OLFM1: variants seen among roughly 807,000 people sequenced by gnomAD.
OLFM1 encodes olfactomedin 1, also known as noelin.
In OLFM1, 9 loss-of-function variants were observed where a neutral mutation model predicts 49.7. The observed-to-expected ratio is 0.18, with a 90% confidence interval of 0.11 to 0.32. The LOEUF (loss-of-function observed/expected upper bound fraction) is 0.32, where lower values mean the gene tolerates loss of function less well. OLFM1 is among the 10% of genes least tolerant of loss of function. The pLI is 1.00. For missense variants in OLFM1, 369 were observed against 661.8 expected (o/e 0.56, Z 4.85); for synonymous variants, 240 against 271.8 (o/e 0.88, Z 1.15).
At chr9:135,089,013 A>G (rs1326272840) in intron 1 of OLFM1, among the ~76,000 whole-genome samples, 1 of 152,160 alleles carries the variant, frequency 6.6e-6, no homozygotes, top group Non-Finnish European at 1.5e-5. Context: ...CGCGCCCCAG[A>G]CCACTGGCCC....
In OLFM1 at chr9:135,080,528, G is replaced by T. The variant is rs1257766794; in HGVS notation, c.96+4726G>T. ...CCGGGCTGCCTCCCCTGGTGGAGAG[G>T]CTCCTGACACCAGGGGCGCTGAGCT... On this transcript the variant is annotated intron_variant, in intron 1 of 5. Coordinates refer to the OLFM1 transcript ENST00000252854. The surrounding 1 kb of genome is among the most constrained non-coding windows in gnomAD (Gnocchi z 4.5). 6.6e-6 allele frequency among the ~76,000 whole-genome samples: 1 copy of T among 152,068 alleles called. No individual in the cohort carries two copies. The highest frequency in any genetic ancestry group is 1.5e-5 in the Non-Finnish European group (1 of 68,016).
chr9:135,099,293 T>G (rs967246242), intron 4 of OLFM1, among the ~76,000 whole-genome samples: 3 of 152,214 alleles, frequency 2.0e-5, no homozygotes, highest in Non-Finnish European at 2.9e-5. Context: ...ACACAAAGGT[T>G]GTTGTTTTCA....
intron 5 of OLFM1, among the ~76,000 whole-genome samples, chr9:135,116,574 G>T (rs577741145): frequency 1.2e-4 from 19 of 152,256 alleles, no homozygotes; most frequent in African/African-American, 4.6e-4. Flanking sequence ...GGTGATGTGT[G>T]AACACAGTCA....
At position 135,098,884 on chromosome 9, in the gene OLFM1, TG is replaced by T. The variant is rs543054886; in HGVS notation, c.676+381del. Among the ~76,000 whole-genome samples the T allele has an allele frequency of 7.2e-5, 11 of 152,324 alleles. No individual in the cohort carries two copies. Among genetic ancestry groups the T allele is most frequent in the Middle Eastern group, 3.4e-3 (1 of 294 alleles). On this transcript the variant is annotated intron_variant, in intron 4 of 5. Transcript: ENST00000371793. The surrounding 1 kb of genome is among the most constrained non-coding windows in gnomAD (Gnocchi z 5.6). ...CCTCCGGATTGAGAACGGGGGCTGGTGGAGCTCCTGAAATATTGAATCATGC... is the reference window on the plus strand; with the variant it reads ...CCTCCGGATTGAGAACGGGGGCTGGTGAGCTCCTGAAATATTGAATCATGC...
intron 1 of OLFM1, among the ~76,000 whole-genome samples, chr9:135,081,732 T>C (rs1031989570): frequency 2.0e-5 from 3 of 152,134 alleles, no homozygotes; most frequent in African/African-American, 4.8e-5. Flanking sequence ...TCCCAGCACT[T>C]TGAGAGGCCG....
chr9:135,114,232 T>C (rs1831064901), intron 5 of OLFM1, among the ~76,000 whole-genome samples: 1 of 145,990 alleles, frequency 6.8e-6, no homozygotes, highest in African/African-American at 2.6e-5. Context: ...GTGATTCTCC[T>C]GCCTTAGCCT....
At chr9:135,116,995 A>G (rs1831105219) in intron 5 of OLFM1, among the ~76,000 whole-genome samples, 1 of 152,156 alleles carries the variant, frequency 6.6e-6, no homozygotes, top group South Asian at 2.1e-4. Context: ...TGTAATGCCA[A>G]GTCTGAAAGC....
At position 135,095,911 on chromosome 9, in the gene OLFM1, G is replaced by A. The variant is rs547676700; in HGVS notation, c.348G>A (p.Gln116=). 4.5e-5 allele frequency: 72 copies of A among 1,613,216 alleles called. No homozygotes were observed. In the South Asian group the frequency reaches 7.8e-4, roughly 17 times the overall value. The change falls in exon 3 of 6, where the codon CAG becomes CAA. Residue 116 remains glutamine (Q), a synonymous_variant. Coordinates refer to ENST00000371793, the MANE Select transcript of OLFM1 (RefSeq NM_001282611.2). ...QSIEVLDRRT[Q]RDLQYVEKME... is the part of the protein sequence containing the mutation. ...TAGAGGTCTTGGACAGGCGGACCCA[G>A]AGAGACTTGCAGTACGTGGAGAAGA...
Position 135,098,021 on chromosome 9 carries a change from A to G in OLFM1, c.457-265A>G, listed in dbSNP as rs1330702983. On this transcript the variant is annotated intron_variant, in intron 3 of 5. Coordinates refer to ENST00000371793, the MANE Select transcript of OLFM1 (RefSeq NM_001282611.2). This position sits in a 1 kb window ranked among gnomAD's most constrained non-coding sequence, Gnocchi z 5.6. ...TCAATGCATTTTTTGAAAAAGAAAG[A>G]AAAAAAAAACTTCGTGTATGTGACT... 4 of 1,382,134 alleles carry G rather than the reference A, an allele frequency of 2.9e-6. No homozygotes were observed. The highest frequency in any genetic ancestry group is 2.9e-5 in the African/African-American group (2 of 68,120). The allele number at this position is 1,382,134 out of a possible 1,614,324, so 85.6% of individuals were successfully genotyped here. A position where few individuals can be genotyped will look rare whatever the true frequency, so the allele number is the denominator to read the frequency against.
chr9:135,094,481 A>G (rs1023926336), intron 2 of OLFM1, among the ~76,000 whole-genome samples: 9 of 152,088 alleles, frequency 5.9e-5, no homozygotes, highest in African/African-American at 1.9e-4. Flanking sequence ...TAGTTATTCA[A>G]AGTGACAGAG....
chr9:135,077,101 G>A, intron 1 of OLFM1: 20 of 1,550,582 alleles, frequency 1.3e-5, no homozygotes, highest in Non-Finnish European at 1.7e-5. Flanking sequence ...AAGGCCTGGT[G>A]GAGGGTGGTG....
chr9:135,084,397 A>G (rs984200038), upstream of OLFM1, among the ~76,000 whole-genome samples: 19 of 115,824 alleles, frequency 1.6e-4, no homozygotes, highest in African/African-American at 6.2e-4. This position sits in a 1 kb window ranked among gnomAD's most constrained non-coding sequence, Gnocchi z 4.6. Context: ...TGTCTCTATT[A>G]TCTCTCCTCT....
intron 1 of OLFM1, among the ~76,000 whole-genome samples, chr9:135,078,758 C>A (rs986862651): frequency 6.6e-6 from 1 of 152,210 alleles, no homozygotes; most frequent in African/African-American, 2.4e-5. Context: ...CCCAGGCTTC[C>A]CTTCAGAGTG....
At chr9:135,076,004 G>A in intron 1 of OLFM1, 1 of 1,439,712 alleles carries the variant, frequency 6.9e-7, no homozygotes. Flanking sequence ...ACCGGAGACG[G>A]CGCTCCTCCA....
Position 135,120,196 on chromosome 9 carries a change from C to G in OLFM1, c.*18C>G, listed in dbSNP as rs377718238. On this transcript the variant is annotated 3_prime_UTR_variant, in exon 6 of 6. Transcript: ENST00000371793. ...AGTTGTAGCTCCCTCCTCCTGGAAG[C>G]CAAGGGCCCACGTCCTCACCACAAA... 17 of 1,592,512 alleles carry G rather than the reference C, an allele frequency of 1.1e-5. No homozygotes were observed. Among genetic ancestry groups the G allele is most frequent in the Middle Eastern group, 1.7e-4 (1 of 5,946 alleles).
Position 135,091,691 on chromosome 9 carries a change from A to ACATAGT in OLFM1, c.300+1349_300+1350insTAGTCA, listed in dbSNP as rs749065527. ...GTCACACACTCACACATAGTCTCAC[A>ACATAGT]CACACACAGTCACACTCACACATAG... On this transcript the variant is annotated intron_variant, in intron 2 of 5. Coordinates refer to ENST00000371793, the MANE Select transcript of OLFM1 (RefSeq NM_001282611.2). Among the ~76,000 whole-genome samples the ACATAGT allele has an allele frequency of 1.8e-3, 158 of 87,424 alleles. 30 individuals carry two copies. Among genetic ancestry groups the ACATAGT allele is most frequent in the African/African-American group, 7.7e-3 (126 of 16,466 alleles). 57.4% of individuals were successfully genotyped at this position (87,424 alleles called of 152,430 possible).
chr9:135,087,195 C>G, upstream of OLFM1: 3 of 1,391,654 alleles, frequency 2.2e-6, no homozygotes, highest in Non-Finnish European at 2.8e-6. Context: ...GCGAGTCTGG[C>G]TGCTTTTCGG....
chr9:135,094,328 A>G (rs559280264), intron 2 of OLFM1, among the ~76,000 whole-genome samples: 14 of 152,350 alleles, frequency 9.2e-5, no homozygotes, highest in African/African-American at 3.4e-4. Flanking sequence ...GTGCCAACAA[A>G]GTGACGTTGT....
chr9:135,083,757 C>A (rs896295799), upstream of OLFM1, among the ~76,000 whole-genome samples: 1 of 152,194 alleles, frequency 6.6e-6, no homozygotes, highest in Non-Finnish European at 1.5e-5. Context: ...ATTCGAGGGC[C>A]CTGGGCAAGG....
Sources: allele counts gnomAD v4.1 joint callset (sites outside exome capture counted in the v4.1 genomes callset), GRCh38; gene constraint gnomAD v4.1.1; non-coding constraint Gnocchi (gnomAD v3.1); transcripts MANE v1.5; gene names NCBI Gene and HGNC (gene_info 2026-07-23, HGNC 2026-07-21).